The following TSNARE1 variants were observed in gnomAD, a reference collection of about 807,000 sequenced individuals.
TSNARE1 encodes t-SNARE domain containing 1.
A neutral mutation model predicts 62.0 loss-of-function variants in TSNARE1; 49 were observed. That is an observed-to-expected ratio of 0.79 (90% CI 0.63 to 1.00). TSNARE1 has a LOEUF of 1.00. Among genes scored for constraint, TSNARE1 ranks in the 50% least tolerant of loss-of-function variants. TSNARE1 has a pLI of 0.00. For synonymous variants in TSNARE1, 328 were observed against 294.4 expected (o/e 1.11, Z -1.17); for missense variants, 755 against 700.1 (o/e 1.08, Z -0.88).
chr8:142,226,771 C>T (rs538507628), intron 13 of TSNARE1, among the ~76,000 whole-genome samples: 6 of 152,268 alleles, frequency 3.9e-5, no homozygotes, highest in African/African-American at 1.4e-4. Flanking sequence ...CATAAGGAAG[C>T]AGCAGGGGTC....
chr8:142,395,204 G>T (rs1837813411), intron 1 of TSNARE1, among the ~76,000 whole-genome samples: 1 of 152,106 alleles, frequency 6.6e-6, no homozygotes, highest in Admixed American at 6.5e-5. Flanking sequence ...AGACAGAAAA[G>T]ACAAGGTCCT....
chr8:142,361,034 C>A (rs568571791), intron 1 of TSNARE1, among the ~76,000 whole-genome samples: 1 of 152,232 alleles, frequency 6.6e-6, no homozygotes, highest in African/African-American at 2.4e-5. Context: ...CAGAACAGCT[C>A]CAGCCCCTCA....
At chr8:142,251,412 C>T (rs1818156826) in intron 12 of TSNARE1, among the ~76,000 whole-genome samples, 1 of 149,902 alleles carries the variant, frequency 6.7e-6, no homozygotes, top group East Asian at 2.0e-4. Flanking sequence ...GGCTGCAAAG[C>T]GTGGCCCTGC....
At position 142,323,743 on chromosome 8, in the gene TSNARE1, G is replaced by T. The variant is rs1303693155; in HGVS notation, c.894-5109C>A. Among the ~76,000 whole-genome samples the T allele has an allele frequency of 2.0e-5, 3 of 152,210 alleles. No homozygotes were observed. The East Asian group carries it at 5.8e-4, about 29-fold the overall frequency. On this transcript the variant is annotated intron_variant, in intron 6 of 13. Transcript: ENST00000524325. Reference sequence around the variant, plus strand: ...CATCCTCACTAGAAAATGGACTGATGATGTCAGCATTCCCACTCGCCATCA... The same window carrying T: ...CATCCTCACTAGAAAATGGACTGATTATGTCAGCATTCCCACTCGCCATCA...
intron 11 of TSNARE1, 45 bp downstream of exon 11, chr8:142,284,367 AG>A: frequency 6.6e-7 from 1 of 1,510,528 alleles, no homozygotes; most frequent in Non-Finnish European, 9.2e-7. Flanking sequence ...GCTGGCAGGC[AG>A]GCCCTCGGGG....
chr8:142,377,770 G>A (rs1162001608), intron 1 of TSNARE1, among the ~76,000 whole-genome samples: 1 of 152,148 alleles, frequency 6.6e-6, no homozygotes, highest in Non-Finnish European at 1.5e-5. Context: ...TCTGCTCCAA[G>A]GAATCCAGAC....
chr8:142,368,419 A>T (rs1835706676), intron 1 of TSNARE1, among the ~76,000 whole-genome samples: 1 of 152,098 alleles, frequency 6.6e-6, no homozygotes, highest in Non-Finnish European at 1.5e-5. Flanking sequence ...CATGACTAGG[A>T]AGCTGGAGAG....
At chr8:142,241,138 A>T (rs1754221590) in intron 12 of TSNARE1, among the ~76,000 whole-genome samples, 1 of 152,230 alleles carries the variant, frequency 6.6e-6, no homozygotes, top group Non-Finnish European at 1.5e-5. Context: ...CTCCACACAA[A>T]ACCTGTCAGA....
At position 142,225,941 on chromosome 8, in the gene TSNARE1, G is replaced by A. The variant is rs939063237; in HGVS notation, c.*11+3532C>T. Among the ~76,000 whole-genome samples, 47 of 152,182 alleles carry A rather than the reference G, an allele frequency of 3.1e-4. 1 individual carries two copies. Among genetic ancestry groups the A allele is most frequent in the Non-Finnish European group, 4.4e-5 (3 of 68,030 alleles). On this transcript the variant is annotated intron_variant, in intron 13 of 13. Transcript: ENST00000524325. ...CCCTGTCCAGCTTCTGGTGGTGCCA[G>A]GTGTTTCTAGGCTGGTGGCTGCATC...
At chr8:142,232,491 C>T (rs958334546) in intron 12 of TSNARE1, among the ~76,000 whole-genome samples, 3 of 152,210 alleles carry the variant, frequency 2.0e-5, no homozygotes, top group Non-Finnish European at 4.4e-5. Flanking sequence ...GGAGGGCGGC[C>T]GCAGGGAGGC....
At chr8:142,375,846 C>T (rs1465683380) in intron 1 of TSNARE1, among the ~76,000 whole-genome samples, 4 of 152,170 alleles carry the variant, frequency 2.6e-5, no homozygotes, top group Non-Finnish European at 4.4e-5. Flanking sequence ...GCTCCAGCTT[C>T]CAGCACAGGC....
At chr8:142,267,354 C>T (rs1044330495) in intron 12 of TSNARE1, among the ~76,000 whole-genome samples, 1 of 152,232 alleles carries the variant, frequency 6.6e-6, no homozygotes. Flanking sequence ...AGGGCAAGAA[C>T]CTTCCTCATT....
In TSNARE1 at chr8:142,348,017, T is replaced by C. The variant is rs114904199; in HGVS notation, c.89-2125A>G. 2.4e-3 allele frequency among the ~76,000 whole-genome samples: 360 copies of C among 151,228 alleles called. 2 individuals are homozygous for C. Among genetic ancestry groups the C allele is most frequent in the African/African-American group, 8.4e-3 (339 of 40,548 alleles). Reference sequence around the variant, plus strand: ...TCTGCCCACCTGAGCCACGTGAACCTAGAACATGGCAGGGACAGGCCTGGG... The same window carrying C: ...TCTGCCCACCTGAGCCACGTGAACCCAGAACATGGCAGGGACAGGCCTGGG... On this transcript the variant is annotated intron_variant, in intron 2 of 13. Transcript: ENST00000524325.
intron 1 of TSNARE1, among the ~76,000 whole-genome samples, chr8:142,398,695 T>C (rs1030953742): frequency 6.6e-6 from 1 of 152,198 alleles, no homozygotes; most frequent in Non-Finnish European, 1.5e-5. Flanking sequence ...GGCATGGCCT[T>C]AGCATAGTCT....
intron 4 of TSNARE1, among the ~76,000 whole-genome samples, chr8:142,343,255 T>C (rs1045789387): frequency 1.3e-5 from 2 of 152,146 alleles, no homozygotes; most frequent in African/African-American, 4.8e-5. Flanking sequence ...AGGCCTCTTC[T>C]GGGTGTTAAA....
At chr8:142,360,132 G>A (rs1036310463) in intron 1 of TSNARE1, among the ~76,000 whole-genome samples, 5 of 152,226 alleles carry the variant, frequency 3.3e-5, no homozygotes, top group African/African-American at 9.6e-5. Context: ...AGTTCAGGAC[G>A]CGGTGGCGCC....
chr8:142,389,975 G>C (rs909515155), intron 1 of TSNARE1, among the ~76,000 whole-genome samples: 1 of 152,206 alleles, frequency 6.6e-6, no homozygotes, highest in Non-Finnish European at 1.5e-5. Flanking sequence ...TATTGCTCCA[G>C]GCTATAAACC....
intron 10 of TSNARE1, among the ~76,000 whole-genome samples, chr8:142,295,639 G>A (rs1824554449): frequency 6.6e-6 from 1 of 152,222 alleles, no homozygotes. Context: ...CTCCACTTCT[G>A]CTCTCAGAGG....
chr8:142,309,277 A>G (rs1827204208), intron 9 of TSNARE1, among the ~76,000 whole-genome samples: 1 of 152,180 alleles, frequency 6.6e-6, no homozygotes, highest in East Asian at 1.9e-4. Context: ...TGCGTTGGAT[A>G]CAACTTCTGG....
Sources: gnomAD v4.1 joint callset for allele counts (sites outside exome capture counted in the v4.1 genomes callset) on GRCh38, gnomAD v4.1.1 for gene constraint, MANE v1.5 for transcripts, NCBI Gene and HGNC (gene_info 2026-07-23, HGNC 2026-07-21) for gene names.